MACROD2: variants seen among roughly 807,000 people sequenced by gnomAD.
MACROD2 encodes ADP-ribose glycohydrolase MACROD2.
A neutral mutation model predicts 70.4 loss-of-function variants in MACROD2; 36 were observed. The ratio of observed to expected loss-of-function variants is 0.51; its 90% CI spans 0.39 to 0.68. The LOEUF (loss-of-function observed/expected upper bound fraction) is 0.68, where lower values mean the gene tolerates loss of function less well. MACROD2 is among the 30% of genes least tolerant of loss of function. MACROD2 has a pLI of 0.00. For missense variants in MACROD2, 496 were observed against 538.4 expected, an observed-to-expected ratio of 0.92 and a Z score of 0.78; for synonymous variants, 172 against 178.8, an observed-to-expected ratio of 0.96 and a Z score of 0.30.
chr20:15,218,910 G>A (rs2076833835), intron 5 of MACROD2, among the ~76,000 whole-genome samples: 1 of 152,164 alleles, frequency 6.6e-6, no homozygotes, highest in Non-Finnish European at 1.5e-5. Flanking sequence ...GCCAGGCGTG[G>A]CGGCGTGTGC....
At chr20:15,229,438 G>A (rs1163764214) in intron 5 of MACROD2, among the ~76,000 whole-genome samples, 1 of 152,078 alleles carries the variant, frequency 6.6e-6, no homozygotes, top group Non-Finnish European at 1.5e-5. Flanking sequence ...GGTTATTAAT[G>A]ATTATTAAAA....
At chr20:15,701,448 A>G (rs545833634) in intron 8 of MACROD2, among the ~76,000 whole-genome samples, 1 of 152,242 alleles carries the variant, frequency 6.6e-6, no homozygotes, top group Admixed American at 6.5e-5. Context: ...ATTATTATAT[A>G]TTTACTTCTT....
At chr20:14,981,318 C>A (rs1322177894) in intron 5 of MACROD2, among the ~76,000 whole-genome samples, 1 of 151,940 alleles carries the variant, frequency 6.6e-6, no homozygotes, top group Non-Finnish European at 1.5e-5. Context: ...TGTTCTTCCT[C>A]TTTTCCATTC....
intron 5 of MACROD2, among the ~76,000 whole-genome samples, chr20:15,087,687 G>A (rs910539602): frequency 7.2e-5 from 11 of 151,882 alleles, no homozygotes; most frequent in African/African-American, 1.7e-4. Context: ...AAAAAGGTGC[G>A]ATACATATTT....
chr20:14,087,133 G>A (rs1354108599), intron 3 of MACROD2, among the ~76,000 whole-genome samples: 1 of 152,160 alleles, frequency 6.6e-6, no homozygotes, highest in Non-Finnish European at 1.5e-5. Context: ...GGTGGCTCAT[G>A]CCTGTAAGCC....
chr20:15,234,041 T>TTTG, intron 6 of MACROD2, among the ~76,000 whole-genome samples: 1 of 55,566 alleles, frequency 1.8e-5, no homozygotes, highest in African/African-American at 7.5e-5. Flanking sequence ...TTTTTTTTTT[T>TTTG]TTTTTTTTGA....
chr20:14,505,507 A>G (rs1249722782), intron 4 of MACROD2, among the ~76,000 whole-genome samples: 2 of 152,180 alleles, frequency 1.3e-5, no homozygotes, highest in Non-Finnish European at 2.9e-5. Context: ...GAAAGTTCTT[A>G]TGTTTGTCTC....
intron 3 of MACROD2, among the ~76,000 whole-genome samples, chr20:14,453,670 C>G (rs1182954744): frequency 6.6e-6 from 1 of 151,896 alleles, no homozygotes; most frequent in Admixed American, 6.6e-5. Flanking sequence ...GTACTGTATT[C>G]CTCGTTATAA....
chr20:14,306,795 A>T (rs2082524537), intron 3 of MACROD2, among the ~76,000 whole-genome samples: 1 of 152,164 alleles, frequency 6.6e-6, no homozygotes, highest in African/African-American at 2.4e-5. Flanking sequence ...TTGACAAAGC[A>T]AAGATCAATT....
At chr20:14,632,543 G>A (rs968164066) in intron 4 of MACROD2, among the ~76,000 whole-genome samples, 3 of 152,044 alleles carry the variant, frequency 2.0e-5, no homozygotes, top group African/African-American at 7.2e-5. Flanking sequence ...TTCTACATTT[G>A]TGGTTTTCAT....
At chr20:15,479,333 C>T (rs930578610) in intron 7 of MACROD2, among the ~76,000 whole-genome samples, 1 of 128,820 alleles carries the variant, frequency 7.8e-6, no homozygotes, top group Non-Finnish European at 1.5e-5. Context: ...AGTGCAGTGG[C>T]GGGATCTCGG....
intron 3 of MACROD2, among the ~76,000 whole-genome samples, chr20:14,389,102 A>G (rs1008363272): frequency 1.3e-5 from 2 of 151,136 alleles, no homozygotes; most frequent in Admixed American, 6.6e-5. Context: ...CTGGTCTCGG[A>G]CTCCTGACCT....
At chr20:15,871,777 A>G (rs1322438151) in intron 9 of MACROD2, among the ~76,000 whole-genome samples, 3 of 152,186 alleles carry the variant, frequency 2.0e-5, no homozygotes, top group African/African-American at 7.2e-5. Flanking sequence ...TATGATGCTT[A>G]TATCCAGTTT....
At chr20:14,896,700 T>C (rs1294410491) in intron 5 of MACROD2, among the ~76,000 whole-genome samples, 1 of 152,148 alleles carries the variant, frequency 6.6e-6, no homozygotes, top group Non-Finnish European at 1.5e-5. Flanking sequence ...AAAGCAATTC[T>C]ACCAGTTATA....
At chr20:15,394,409 A>G (rs796477516) in intron 6 of MACROD2, among the ~76,000 whole-genome samples, 5 of 152,246 alleles carry the variant, frequency 3.3e-5, no homozygotes, top group African/African-American at 1.2e-4. Context: ...TCAGCTTTTT[A>G]TGGCCTGCCA....
At position 14,594,673 on chromosome 20, in the gene MACROD2, C is replaced by T. The variant is rs187430195; in HGVS notation, c.302-90170C>T. 7.9e-5 allele frequency among the ~76,000 whole-genome samples: 12 copies of T among 152,342 alleles called. No homozygotes were observed. In the East Asian group the frequency reaches 2.3e-3, roughly 29 times the overall value. On this transcript the variant is annotated intron_variant, in intron 4 of 17. Coordinates refer to ENST00000684519, the MANE Select transcript of MACROD2 (RefSeq NM_001351661.2). ...CTCTGGGAGGCCAAGGCAGGCGGAT[C>T]ATGAGGTCAGGAGTTTGAGACCAGC... is the stretch of plus-strand genomic sequence containing the variant.
chr20:14,328,392 T>TA (rs1443482437), intron 3 of MACROD2, among the ~76,000 whole-genome samples: 1 of 152,128 alleles, frequency 6.6e-6, no homozygotes, highest in Admixed American at 6.6e-5. Flanking sequence ...TTCTACCTCA[T>TA]AACGTGTTGT....
intron 3 of MACROD2, among the ~76,000 whole-genome samples, chr20:14,414,090 G>T (rs1162737178): frequency 2.0e-5 from 3 of 152,088 alleles, no homozygotes; most frequent in Non-Finnish European, 4.4e-5. Flanking sequence ...ACATTCATTT[G>T]CTGACAACTC....
chr20:15,896,514 C>A (rs76444661), intron 10 of MACROD2, among the ~76,000 whole-genome samples: 1 of 149,636 alleles, frequency 6.7e-6, no homozygotes, highest in Non-Finnish European at 1.5e-5. Flanking sequence ...CCCAAGTCCA[C>A]GCAGTTTGTT....
Sources: allele counts gnomAD v4.1 joint callset (sites outside exome capture counted in the v4.1 genomes callset), GRCh38; gene constraint gnomAD v4.1.1; transcripts MANE v1.5; gene names NCBI Gene and HGNC (gene_info 2026-07-23, HGNC 2026-07-21).